Variants in SCN2A observed in about 807,000 individuals in gnomAD.
The protein encoded by SCN2A is sodium voltage-gated channel alpha subunit 2, also known as sodium channel protein type 2 subunit alpha.
SCN2A carries 20 observed loss-of-function variants against 188.7 expected under a neutral mutation model. That is an observed-to-expected ratio of 0.11 (90% CI 0.07 to 0.15). SCN2A has a LOEUF of 0.15. Ranked by LOEUF, SCN2A falls within the 10% of genes least tolerant of loss-of-function variation. The pLI, the probability that SCN2A is intolerant of heterozygous loss-of-function variation, is 1.00. For synonymous variants in SCN2A, 804 were observed against 833.1 expected (o/e 0.97, Z 0.60); for missense variants, 1,278 against 2,445.0 (o/e 0.52, Z 10.07).
chr2:165,293,220 A>G (rs1017093980), intron 1 of SCN2A, among the ~76,000 whole-genome samples: 1 of 152,190 alleles, frequency 6.6e-6, no homozygotes, highest in African/African-American at 2.4e-5. Context: ...GCTGTTTAAT[A>G]TGAATTTTTA....
intron 17 of SCN2A, among the ~76,000 whole-genome samples, chr2:165,357,076 T>C (rs1700217421): frequency 6.6e-6 from 1 of 152,170 alleles, no homozygotes; most frequent in Admixed American, 6.5e-5. Flanking sequence ...GGGTTTTTAA[T>C]TCTGGCTTTA....
rs745883451 is a variant in SCN2A, at chr2:165,367,227, G to A, written c.3531G>A (p.Arg1177=). 1.2e-6 allele frequency: 2 copies of A among 1,614,046 alleles called. No individual in the cohort carries two copies. The highest frequency in any genetic ancestry group is 1.7e-5 in the Admixed American group (1 of 60,004). ...PEACFTEDCV[R]KFKCCQISIE... is the part of the protein sequence containing the mutation. ...TCCCACATATTTTAGACTGTGTACG[G>A]AAGTTCAAGTGTTGTCAGATAAGCA... Residue 1177 remains arginine, a synonymous_variant, in exon 19 of 27, where the codon CGG becomes CGA. Transcript: ENST00000375437.
chr2:165,314,370 T>C (rs543477207), intron 10 of SCN2A, among the ~76,000 whole-genome samples: 1 of 152,266 alleles, frequency 6.6e-6, no homozygotes, highest in East Asian at 1.9e-4. Context: ...CTTGAGGAAA[T>C]TAATGATTAA....
chr2:165,275,750 T>C (rs976781967), intron 1 of SCN2A, among the ~76,000 whole-genome samples: 2 of 152,234 alleles, frequency 1.3e-5, no homozygotes, highest in African/African-American at 4.8e-5. Context: ...CTTTTTTTTT[T>C]CCAAGACAGA....
intron 25 of SCN2A, 149 bp from the exon 26 acceptor site, chr2:165,386,597 A>G: frequency 4.7e-6 from 4 of 846,248 alleles, no homozygotes; most frequent in Middle Eastern, 3.6e-4. Flanking sequence ...CTGGTTTTGC[A>G]AGGAATTTTT....
At chr2:165,326,825 T>G (rs1698382877) in intron 12 of SCN2A, 27 bp from the exon 13 acceptor site, 2 of 1,613,424 alleles carry the variant, frequency 1.2e-6, no homozygotes, top group South Asian at 2.2e-5. Flanking sequence ...AAAATAGTGG[T>G]TATTTCATCT....
Position 165,296,006 on chromosome 2 carries a change from T to C in SCN2A, c.183T>C (p.Ser61=). 6.2e-7 allele frequency: 1 copy of C among 1,614,154 alleles called. No individual in the cohort carries two copies. Among genetic ancestry groups the C allele is most frequent in the Non-Finnish European group, 8.5e-7 (1 of 1,180,018 alleles). Residue 61 remains serine (S), a synonymous_variant, in exon 2 of 27, where the codon TCT becomes TCC. Transcript: ENST00000375437. The part of the protein sequence containing the change: ...KPNSDLEAGK[S]LPFIYGDIPP... ...ACAGTGACTTGGAAGCAGGAAAATC[T>C]CTTCCATTTATTTATGGAGACATTC...
intron 3 of SCN2A, among the ~76,000 whole-genome samples, chr2:165,303,005 G>A (rs1261606441): frequency 2.6e-5 from 4 of 152,002 alleles, no homozygotes; most frequent in Non-Finnish European, 5.9e-5. Flanking sequence ...TATTATAAAA[G>A]GTTTATCTGC....
intron 1 of SCN2A, among the ~76,000 whole-genome samples, chr2:165,259,485 A>G (rs1457531586): frequency 6.6e-6 from 1 of 152,256 alleles, no homozygotes; most frequent in Admixed American, 6.5e-5. Context: ...CTGCTTTATC[A>G]ACAAGTTTAT....
chr2:165,280,801 C>G (rs566605618), intron 1 of SCN2A, among the ~76,000 whole-genome samples: 1 of 152,170 alleles, frequency 6.6e-6, no homozygotes, highest in Non-Finnish European at 1.5e-5. Context: ...AGGAGTACCT[C>G]CTTAACTAAT....
chr2:165,389,542 C>T lies in SCN2A; in HGVS notation c.5736C>T (p.Ile1912=), dbSNP rs1324754723. ...AAGAGGAGGTGTCTGCTATTATTAT[C>T]CAGAGGGCTTACAGACGCTACCTCT... The part of the protein sequence containing the change: ...RKQEEVSAII[I]QRAYRRYLLK... The change falls in exon 27 of 27, where the codon ATC becomes ATT. Residue 1912 remains isoleucine, a synonymous_variant. Coordinates refer to ENST00000375437, the MANE Select transcript of SCN2A (RefSeq NM_001040142.2). The surrounding 1 kb of genome is among the most constrained non-coding windows in gnomAD (Gnocchi z 4.2). 2.5e-6 allele frequency: 4 copies of T among 1,613,744 alleles called. No homozygotes were observed. The highest frequency in any genetic ancestry group is 3.4e-6 in the Non-Finnish European group (4 of 1,179,938).
At chr2:165,252,438 C>T (rs1490735031) in intron 1 of SCN2A, among the ~76,000 whole-genome samples, 2 of 151,776 alleles carry the variant, frequency 1.3e-5, no homozygotes, top group African/African-American at 4.8e-5. Context: ...TACTTAAATC[C>T]CAAAGACTCA....
intron 1 of SCN2A, among the ~76,000 whole-genome samples, chr2:165,288,539 T>TA (rs539686131): frequency 2.3e-3 from 334 of 143,504 alleles, no homozygotes; most frequent in Middle Eastern, 3.6e-3. Context: ...AACCTAGCAT[T>TA]AAAAAAAAAA....
At chr2:165,256,000 CTTTTT>C (rs765804959) in intron 1 of SCN2A, among the ~76,000 whole-genome samples, 5 of 88,444 alleles carry the variant, frequency 5.7e-5, no homozygotes, top group Admixed American at 1.6e-4. Flanking sequence ...GGGCTCTTTT[CTTTTT>C]TTTTTTTTTT....
In SCN2A at chr2:165,386,866, G is replaced by C. The variant is rs1473981349; in HGVS notation, c.4672G>C (p.Glu1558Gln). ...MMVETDDQSQ[E>Q]MTNILYWINL... ...GGTGGAAACCGATGACCAGAGTCAA[G>C]AAATGACAAACATTCTGTACTGGAT... Residue 1558 changes from glutamate (E) to glutamine (Q), a missense_variant, in exon 26 of 27, where the codon GAA (glutamate) becomes CAA (glutamine). Around this residue, in one of 17 missense-constraint regions of SCN2A, gnomAD observed 97 missense variants for 266.1 expected, o/e 0.36. Transcript: ENST00000375437. The C allele has an allele frequency of 2.5e-6, 4 of 1,613,962 alleles. No individual in the cohort carries two copies. Among genetic ancestry groups the C allele is most frequent in the Non-Finnish European group, 3.4e-6 (4 of 1,179,950 alleles).
chr2:165,388,599 A>G (rs756051147), intron 26 of SCN2A, 30 bp from the exon 27 acceptor site: 3 of 1,613,366 alleles, frequency 1.9e-6, no homozygotes, highest in Non-Finnish European at 2.5e-6. Flanking sequence ...AAGTATAACA[A>G]TATTTTTGTT....
At chr2:165,287,550 C>T (rs1574503968) in intron 1 of SCN2A, among the ~76,000 whole-genome samples, 1 of 151,828 alleles carries the variant, frequency 6.6e-6, no homozygotes, top group Admixed American at 6.6e-5. Flanking sequence ...ACTGTCTTTA[C>T]CTGGTGCTGG....
intron 21 of SCN2A, among the ~76,000 whole-genome samples, 179 bp downstream of exon 21, chr2:165,373,526 T>G (rs1024056916): frequency 2.0e-5 from 3 of 152,156 alleles, no homozygotes; most frequent in African/African-American, 7.2e-5. Flanking sequence ...CTGGAGTCAC[T>G]CACAGAGTAG....
At chr2:165,361,962 T>C (rs1266217847) in intron 17 of SCN2A, among the ~76,000 whole-genome samples, 1 of 152,058 alleles carries the variant, frequency 6.6e-6, no homozygotes, top group Non-Finnish European at 1.5e-5. Flanking sequence ...TACTCTGCAA[T>C]TAAGAGAAAA....
Sources: gnomAD v4.1 joint callset for allele counts (sites outside exome capture counted in the v4.1 genomes callset) on GRCh38, gnomAD v4.1.1 for gene constraint, gnomAD v4.1.1 regional missense constraint, Gnocchi (gnomAD v3.1) non-coding constraint, MANE v1.5 for transcripts, NCBI Gene and HGNC (gene_info 2026-07-23, HGNC 2026-07-21) for gene names.